Variants in SVOP observed in about 807,000 individuals in gnomAD.
The protein encoded by SVOP is SV2 related protein.
A neutral mutation model predicts 69.1 loss-of-function variants in SVOP; 17 were observed. The observed-to-expected ratio is 0.25, with a 90% CI of 0.17 to 0.37. The LOEUF is 0.37. SVOP is among the 10% of genes least tolerant of loss of function. The pLI is 1.00. For synonymous variants in SVOP, 238 were observed against 238.6 expected (o/e 1.00, Z 0.02); for missense variants, 435 against 597.5 (o/e 0.73, Z 2.84).
Position 108,912,097 on chromosome 12 carries a change from T to G in SVOP, c.*438A>C. 1 of 811,610 alleles carries G rather than the reference T, an allele frequency of 1.2e-6. No individual in the cohort carries two copies. Among genetic ancestry groups the G allele is most frequent in the Non-Finnish European group, 1.5e-6 (1 of 666,276 alleles). 50.3% of individuals were successfully genotyped at this position (811,610 alleles called of 1,614,324 possible). On this transcript the variant is annotated 3_prime_UTR_variant, in exon 16 of 16. Transcript: ENST00000610966. Reference sequence around the variant, plus strand: ...TTTCAAAGAAGAAAGCCTGGGGCTGTGAGTGTGGGAGAAACCTACTGAACA... The same window carrying G: ...TTTCAAAGAAGAAAGCCTGGGGCTGGGAGTGTGGGAGAAACCTACTGAACA...
intron 4 of SVOP, among the ~76,000 whole-genome samples, chr12:108,975,683 C>T (rs2040102513): frequency 6.6e-6 from 1 of 152,120 alleles, no homozygotes; most frequent in African/African-American, 2.4e-5. Context: ...ATTGCAAAAA[C>T]ACAGACCTGC....
intron 11 of SVOP, among the ~76,000 whole-genome samples, chr12:108,931,119 A>C (rs1292357852): frequency 6.6e-6 from 1 of 152,020 alleles, no homozygotes; most frequent in African/African-American, 2.4e-5. Flanking sequence ...CCTGTGATTG[A>C]CTCTACAATC....
At chr12:108,948,708 A>G (rs1048295658) in intron 6 of SVOP, among the ~76,000 whole-genome samples, 2 of 152,160 alleles carry the variant, frequency 1.3e-5, no homozygotes, top group African/African-American at 4.8e-5. Flanking sequence ...TGTTTTTATG[A>G]TTTGAGATAT....
intron 5 of SVOP, 26 bp downstream of exon 5, chr12:108,972,379 C>A: frequency 1.3e-6 from 2 of 1,535,930 alleles, no homozygotes; most frequent in Non-Finnish European, 1.7e-6. Flanking sequence ...AGAGGACATG[C>A]GTTTAGAAGA....
rs1051925367 is a variant in SVOP at position 108,917,935 on chromosome 12, C to G, written c.1350+108G>C. On this transcript the variant is annotated intron_variant, in intron 14 of 15. Coordinates refer to ENST00000610966, the MANE Select transcript of SVOP (RefSeq NM_018711.5). ...TGTTGGGATTATAGGCATGAGCTAC[C>G]GCGCCCACCACCTCATTCTTTTTAA... is the stretch of plus-strand genomic sequence containing the variant. The G allele has an allele frequency of 2.3e-6, 2 of 881,874 alleles. 1 individual carries two copies. Among genetic ancestry groups the G allele is most frequent in the South Asian group, 3.8e-5 (2 of 52,926 alleles). 54.6% of individuals were successfully genotyped at this position (881,874 alleles called of 1,614,324 possible).
In SVOP at chr12:108,912,352, C is replaced by A. The variant is rs2039689453; in HGVS notation, c.*183G>T. The A allele has an allele frequency of 4.8e-6, 7 of 1,456,034 alleles. No individual in the cohort carries two copies. Among genetic ancestry groups the A allele is most frequent in the Non-Finnish European group, 5.4e-6 (6 of 1,110,178 alleles). The allele number at this position is 1,456,034 out of a possible 1,614,324, so 90.2% of individuals were successfully genotyped here. ...GAGAACCCCCTAGAGCAAACATCTC[C>A]CCATCCCTGGGTGGACCTCAATGAA... On this transcript the variant is annotated 3_prime_UTR_variant, in exon 16 of 16. Coordinates refer to ENST00000610966, the MANE Select transcript of SVOP (RefSeq NM_018711.5).
At chr12:109,017,941 GT>G (rs1566070548) in intron 1 of SVOP, among the ~76,000 whole-genome samples, 2 of 151,956 alleles carry the variant, frequency 1.3e-5, no homozygotes, top group Non-Finnish European at 2.9e-5. Flanking sequence ...ATTCATTTAA[GT>G]TTAAATTTAA....
chr12:108,968,744 T>TGTGTGTGTGTG (rs2040060918), intron 5 of SVOP, among the ~76,000 whole-genome samples: 1 of 149,660 alleles, frequency 6.7e-6, no homozygotes, highest in Non-Finnish European at 1.5e-5. Context: ...TGTTTGTCTT[T>TGTGTGTGTGTG]TGTGTGTGTG....
chr12:108,977,692 T>C (rs1307215623), intron 3 of SVOP, among the ~76,000 whole-genome samples, 196 bp from the exon 4 acceptor site: 6 of 152,148 alleles, frequency 3.9e-5, no homozygotes, highest in Non-Finnish European at 1.5e-5. Flanking sequence ...AATAGACAAA[T>C]AGACATTTTA....
chr12:108,967,502 T>TA (rs1285885225), intron 5 of SVOP, among the ~76,000 whole-genome samples: 2 of 146,572 alleles, frequency 1.4e-5, no homozygotes, highest in African/African-American at 2.5e-5. Flanking sequence ...TTGTCTCAAT[T>TA]AAAAAAAAAG....
intron 11 of SVOP, among the ~76,000 whole-genome samples, chr12:108,929,004 C>G (rs2039799761): frequency 6.6e-6 from 1 of 152,174 alleles, no homozygotes; most frequent in African/African-American, 2.4e-5. Context: ...TGCTGACTTT[C>G]CCCCAGTTTG....
intron 11 of SVOP, among the ~76,000 whole-genome samples, chr12:108,930,391 G>T (rs2039809345): frequency 1.3e-5 from 2 of 149,556 alleles, no homozygotes; most frequent in South Asian, 2.1e-4. Context: ...ACTGGTTACA[G>T]CTCAGTGTTT....
At position 108,910,304 on chromosome 12, in the gene SVOP, A is replaced by C. The variant is rs2039674316; in HGVS notation, c.*2231T>G. ...CTTTCTCAAGTAGAGAAGGCCCTCA[A>C]CTGTAAACCCCTTTACCCTAGTCTC... is the stretch of plus-strand genomic sequence containing the variant. On this transcript the variant is annotated 3_prime_UTR_variant, in exon 16 of 16. Coordinates refer to ENST00000610966, the MANE Select transcript of SVOP (RefSeq NM_018711.5). The C allele has an allele frequency of 6.6e-6, 1 of 152,108 alleles. No homozygotes were observed. The highest frequency in any genetic ancestry group is 2.4e-5 in the African/African-American group (1 of 41,398). The allele number at this position is 152,108 out of a possible 1,614,324, so 9.4% of individuals were successfully genotyped here.
Position 108,912,069 on chromosome 12 carries a change from C to A in SVOP, c.*466G>T, listed in dbSNP as rs890715401. ...GCTCAGACCACACCTAGATCGCCTG[C>A]AATTTCAAAGAAGAAAGCCTGGGGC... On this transcript the variant is annotated 3_prime_UTR_variant, in exon 16 of 16. Transcript: ENST00000610966. 19 of 703,892 alleles carry A rather than the reference C, an allele frequency of 2.7e-5. No homozygotes were observed. Among genetic ancestry groups the A allele is most frequent in the Non-Finnish European group, 3.3e-5 (19 of 569,314 alleles). 43.6% of individuals were successfully genotyped at this position (703,892 alleles called of 1,614,324 possible).
intron 1 of SVOP, among the ~76,000 whole-genome samples, chr12:109,015,811 A>G (rs2040364863): frequency 6.6e-6 from 1 of 152,070 alleles, no homozygotes; most frequent in Non-Finnish European, 1.5e-5. Flanking sequence ...AAAACAAAAC[A>G]AAAAAGTGAA....
chr12:108,931,716 C>T (rs185690683), intron 11 of SVOP, among the ~76,000 whole-genome samples: 127 of 152,206 alleles, frequency 8.3e-4, no homozygotes, highest in African/African-American at 3.0e-3. Context: ...CGCCTGTAGT[C>T]CCAGCTACTC....
intron 5 of SVOP, among the ~76,000 whole-genome samples, chr12:108,961,636 T>C (rs369018199): frequency 1.3e-5 from 2 of 152,306 alleles, no homozygotes; most frequent in East Asian, 3.9e-4. Flanking sequence ...ACTCAGGGTT[T>C]ATCTATGAAT....
Position 108,912,134 on chromosome 12 carries a change from T to C in SVOP, c.*401A>G. On this transcript the variant is annotated 3_prime_UTR_variant, in exon 16 of 16. Coordinates refer to ENST00000610966, the MANE Select transcript of SVOP (RefSeq NM_018711.5). ...AAACCTACTGAACAGGTCCGGTGGG[T>C]GGACAGCAGGTGTCACATGGGCCTG... 2 of 1,024,934 alleles carry C rather than the reference T, an allele frequency of 2.0e-6. No individual in the cohort carries two copies. The highest frequency in any genetic ancestry group is 2.4e-6 in the Non-Finnish European group (2 of 849,314). 63.5% of individuals were successfully genotyped at this position (1,024,934 alleles called of 1,614,324 possible). A position where few individuals can be genotyped will look rare whatever the true frequency, so the allele number is the denominator to read the frequency against.
At position 108,973,318 on chromosome 12, in the gene SVOP, G is replaced by A. The variant is rs144842314; in HGVS notation, c.382-842C>T. Among the ~76,000 whole-genome samples the A allele has an allele frequency of 6.1e-3, 934 of 152,314 alleles. 6 individuals carry two copies. The highest frequency in any genetic ancestry group is 9.1e-3 in the Non-Finnish European group (619 of 68,024). ...AAGCATTTCTTGTGGCATGTCCGAG[G>A]GCAGGGAGTGGGGATGGTACACAGA... On this transcript the variant is annotated intron_variant, in intron 4 of 15. Transcript: ENST00000610966.
Sources: gnomAD v4.1 joint callset for allele counts (sites outside exome capture counted in the v4.1 genomes callset) on GRCh38, gnomAD v4.1.1 for gene constraint, MANE v1.5 for transcripts, NCBI Gene and HGNC (gene_info 2026-07-23, HGNC 2026-07-21) for gene names.